Variants in AMMECR1L observed in about 807,000 individuals in gnomAD.
The protein encoded by AMMECR1L is AMMECR1-like protein.
Under a neutral mutation model 36.8 loss-of-function variants are expected in AMMECR1L, and 4 were observed. The ratio of observed to expected loss-of-function variants is 0.11; its 90% CI spans 0.05 to 0.25. The LOEUF (loss-of-function observed/expected upper bound fraction) is 0.25, where lower values mean the gene tolerates loss of function less well. Among genes scored for constraint, AMMECR1L ranks in the 10% least tolerant of loss-of-function variants. The pLI is 1.00. For synonymous variants in AMMECR1L, 147 were observed against 148.0 expected, an observed-to-expected ratio of 0.99 and a Z score of 0.05; for missense variants, 232 against 392.1, an observed-to-expected ratio of 0.59 and a Z score of 3.45.
chr2:127,884,628 CA>C (rs1691669328), intron 1 of AMMECR1L: 1 of 152,188 alleles, frequency 6.6e-6, no homozygotes, highest in African/African-American at 2.4e-5. Context: ...AGATGCAGAG[CA>C]AAAGTTGCTC....
chr2:127,883,470 C>T (rs549178259), intron 2 of AMMECR1L, among the ~76,000 whole-genome samples: 5 of 151,502 alleles, frequency 3.3e-5, no homozygotes, highest in Non-Finnish European at 7.4e-5. Context: ...TTCACCTCCC[C>T]TCTGTTTTCT....
At chr2:127,881,307 A>C (rs748274975) in intron 2 of AMMECR1L, among the ~76,000 whole-genome samples, 1 of 103,666 alleles carries the variant, frequency 9.6e-6, no homozygotes, top group Non-Finnish European at 2.5e-5. Context: ...TAGTATTTAC[A>C]AACCAGGTAT....
At chr2:127,872,415 A>G (rs1017743293) in intron 3 of AMMECR1L, among the ~76,000 whole-genome samples, 1 of 152,150 alleles carries the variant, frequency 6.6e-6, no homozygotes, top group African/African-American at 2.4e-5. Context: ...CATTAAGGCT[A>G]TATCAGATTG....
chr2:127,882,291 T>A lies in AMMECR1L; in HGVS notation c.-39+1912A>T, dbSNP rs564729273. On this transcript the variant is annotated intron_variant, in intron 2 of 7. Coordinates refer to ENST00000272647, the MANE Select transcript of AMMECR1L (RefSeq NM_001199140.2). ...TCTCTGCATTTTCTTCTGTTATCAT[T>A]TAGCATTTAGATGTTTGCTCAAATC... is the stretch of plus-strand genomic sequence containing the variant. Among the ~76,000 whole-genome samples the A allele has an allele frequency of 2.6e-5, 4 of 152,274 alleles. No homozygotes were observed. The South Asian group carries it at 8.3e-4, about 32-fold the overall frequency.
intron 1 of AMMECR1L, chr2:127,885,518 G>C (rs1020990601): frequency 1.0e-6 from 1 of 984,260 alleles, no homozygotes; most frequent in Admixed American, 6.2e-5. Context: ...TGCAGACAAG[G>C]ACCAGGAGCG....
In AMMECR1L at chr2:127,871,356, C is replaced by G; in HGVS notation, c.411G>C (p.Pro137=). 1 of 1,613,280 alleles carries G rather than the reference C, an allele frequency of 6.2e-7. No homozygotes were observed. Among genetic ancestry groups the G allele is most frequent in the South Asian group, 1.1e-5 (1 of 91,044 alleles). ...RLPRFTNDPY[P]LFVTWKTGRD... ...GCCCTGTCTTCCACGTCACAAAGAG[C>G]GGACTAAAAAAAGCAAAACACAAAA... The change falls in exon 4 of 8, where the codon CCG becomes CCC. Residue 137 remains proline (P), a synonymous_variant. Coordinates refer to ENST00000272647, the MANE Select transcript of AMMECR1L (RefSeq NM_001199140.2). This position sits in a 1 kb window ranked among gnomAD's most constrained non-coding sequence, Gnocchi z 4.3.
chr2:127,881,993 A>G (rs1691519549), intron 2 of AMMECR1L, among the ~76,000 whole-genome samples: 1 of 152,234 alleles, frequency 6.6e-6, no homozygotes, highest in South Asian at 2.1e-4. Context: ...TAGAGTCCTC[A>G]TTTAAGCTTA....
chr2:127,862,623 G>C lies in AMMECR1L; in HGVS notation c.*2471C>G, dbSNP rs566814896. On this transcript the variant is annotated 3_prime_UTR_variant, in exon 8 of 8. Transcript: ENST00000272647. Reference sequence around the variant, plus strand: ...CGGGGCCAAATGGTTTCCCTTGGTCGACTCCTGAGTCCCCTGACAAAGCAA... The same window carrying C: ...CGGGGCCAAATGGTTTCCCTTGGTCCACTCCTGAGTCCCCTGACAAAGCAA... The C allele has an allele frequency of 2.0e-5, 3 of 153,000 alleles. No individual in the cohort carries two copies. The East Asian group carries it at 5.8e-4, about 30-fold the overall frequency. The allele number at this position is 153,000 out of a possible 1,614,324, so 9.5% of individuals were successfully genotyped here.
At position 127,861,660 on chromosome 2, in the gene AMMECR1L, T is replaced by C. The variant is rs1690474315; in HGVS notation, c.*3434A>G. The C allele has an allele frequency of 6.6e-6, 1 of 152,236 alleles. No individual in the cohort carries two copies. Among genetic ancestry groups the C allele is most frequent in the Admixed American group, 6.5e-5 (1 of 15,280 alleles). 9.4% of individuals were successfully genotyped at this position (152,236 alleles called of 1,614,324 possible). On this transcript the variant is annotated 3_prime_UTR_variant, in exon 8 of 8. Transcript: ENST00000272647. Reference sequence around the variant, plus strand: ...ATCCATTATGATTTATTCTCTACAATACTTCGTTAAAGTGTTCAATGATTT... The same window carrying C: ...ATCCATTATGATTTATTCTCTACAACACTTCGTTAAAGTGTTCAATGATTT...
Position 127,874,255 on chromosome 2 carries a change from C to G in AMMECR1L, c.-21G>C. The G allele has an allele frequency of 6.2e-7, 1 of 1,612,134 alleles. No homozygotes were observed. The highest frequency in any genetic ancestry group is 8.5e-7 in the Non-Finnish European group (1 of 1,179,644). ...CCCATCCTGATTCAGTGCTCAAGGT[C>G]TGGAATGCTGCAGAACCCTAACCAA... On this transcript the variant is annotated 5_prime_UTR_variant, in exon 3 of 8. Transcript: ENST00000272647. The surrounding 1 kb of genome is among the most constrained non-coding windows in gnomAD (Gnocchi z 5.2).
rs376088971 is a variant in AMMECR1L at position 127,865,065 on chromosome 2, G to A, written c.*29C>T. On this transcript the variant is annotated 3_prime_UTR_variant, in exon 8 of 8. Transcript: ENST00000272647. This position sits in a 1 kb window ranked among gnomAD's most constrained non-coding sequence, Gnocchi z 5.4. ...ATGTCATAGCCATTGGTGGCCACGG[G>A]GGGGTGGGACTGGTCATGCAGCCGT... is the stretch of plus-strand genomic sequence containing the variant. The A allele has an allele frequency of 2.1e-5, 32 of 1,549,534 alleles. No homozygotes were observed. The highest frequency in any genetic ancestry group is 2.7e-5 in the Non-Finnish European group (30 of 1,124,044).
chr2:127,875,155 A>AT (rs34145290), intron 2 of AMMECR1L, among the ~76,000 whole-genome samples: 31,331 of 150,368 alleles, frequency 0.21, 4,133 homozygotes, highest in South Asian at 0.42. Flanking sequence ...GAAGGAAGGG[A>AT]TTTTTTTTTT....
rs1345464434 is a variant in AMMECR1L, at chr2:127,863,133, T to C, written c.*1961A>G. On this transcript the variant is annotated 3_prime_UTR_variant, in exon 8 of 8. Coordinates refer to ENST00000272647, the MANE Select transcript of AMMECR1L (RefSeq NM_001199140.2). ...AGTGTAGCCCTATGTATCAATACTG[T>C]TGTACAAATTGGAGGTGGGTGGCTT... 1 of 152,568 alleles carries C rather than the reference T, an allele frequency of 6.6e-6. No individual in the cohort carries two copies. The highest frequency in any genetic ancestry group is 1.5e-5 in the Non-Finnish European group (1 of 68,032). 9.5% of individuals were successfully genotyped at this position (152,568 alleles called of 1,614,324 possible).
In AMMECR1L at chr2:127,869,582, T is replaced by G. The variant is rs750086710; in HGVS notation, c.634-38A>C. ...GTACAACCAAGTAAATGGCATTTAC[T>G]TACTCTAATGGAACTTCAGTCCCCA... On this transcript the variant is annotated intron_variant, in intron 5 of 7. Transcript: ENST00000272647. This position sits in a 1 kb window ranked among gnomAD's most constrained non-coding sequence, Gnocchi z 4.7. 2.6e-6 allele frequency: 4 copies of G among 1,529,502 alleles called. No homozygotes were observed. Among genetic ancestry groups the G allele is most frequent in the Non-Finnish European group, 3.6e-6 (4 of 1,103,164 alleles). The allele number at this position is 1,529,502 out of a possible 1,614,324, so 94.7% of individuals were successfully genotyped here.
chr2:127,862,788 G>GC lies in AMMECR1L; in HGVS notation c.*2305_*2306insG, dbSNP rs1690521473. 1 of 138,930 alleles carries GC rather than the reference G, an allele frequency of 7.2e-6. No homozygotes were observed. Among genetic ancestry groups the GC allele is most frequent in the Non-Finnish European group, 1.6e-5 (1 of 61,400 alleles). 8.6% of individuals were successfully genotyped at this position (138,930 alleles called of 1,614,324 possible). ...CTAACCAGCCCAATTCTTGTGCACT[G>GC]ATTTTTTTTTCCCCATTTCTCGGGT... On this transcript the variant is annotated 3_prime_UTR_variant, in exon 8 of 8. Transcript: ENST00000272647.
Position 127,874,410 on chromosome 2 carries a change from C to T in AMMECR1L, c.-38-138G>A. On this transcript the variant is annotated intron_variant, in intron 2 of 7. Transcript: ENST00000272647. The surrounding 1 kb of genome is among the most constrained non-coding windows in gnomAD (Gnocchi z 5.2). ...TCCCACTCAACCTCCAGGTCACAGA[C>T]CAGGAGAAGAAACCCCTAACCTTTT... The T allele has an allele frequency of 1.2e-6, 1 of 800,592 alleles. No individual in the cohort carries two copies. 49.6% of individuals were successfully genotyped at this position (800,592 alleles called of 1,614,324 possible).
In AMMECR1L at chr2:127,885,928, G is replaced by A; in HGVS notation, c.-267C>T. 1 of 986,804 alleles carries A rather than the reference G, an allele frequency of 1.0e-6. No individual in the cohort carries two copies. The highest frequency in any genetic ancestry group is 1.2e-6 in the Non-Finnish European group (1 of 830,578). 61.1% of individuals were successfully genotyped at this position (986,804 alleles called of 1,614,324 possible). On this transcript the variant is annotated 5_prime_UTR_variant, in exon 1 of 8. Transcript: ENST00000272647. ...GCTCCCGAGAGAAGCTGGCCTGCGG[G>A]CGGGCCGGACGCGCTGCGCGGACGG...
intron 2 of AMMECR1L, among the ~76,000 whole-genome samples, chr2:127,882,536 T>A (rs1398280857): frequency 1.3e-5 from 2 of 152,134 alleles, no homozygotes; most frequent in Admixed American, 6.6e-5. Context: ...CATACACACA[T>A]CCAAAACATT....
chr2:127,883,402 T>G (rs1691609431), intron 2 of AMMECR1L, among the ~76,000 whole-genome samples: 1 of 152,198 alleles, frequency 6.6e-6, no homozygotes, highest in Non-Finnish European at 1.5e-5. Context: ...GCCAGAACTA[T>G]ACATTTTCAT....
Sources: allele counts gnomAD v4.1 joint callset (sites outside exome capture counted in the v4.1 genomes callset), GRCh38; gene constraint gnomAD v4.1.1; non-coding constraint Gnocchi (gnomAD v3.1); transcripts MANE v1.5; gene names NCBI Gene and HGNC (gene_info 2026-07-23, HGNC 2026-07-21).